DOK6: variants seen among roughly 807,000 people sequenced by gnomAD.
The protein encoded by DOK6 is downstream of tyrosine kinase 6.
A neutral mutation model predicts 44.0 loss-of-function variants in DOK6; 22 were observed. The ratio of observed to expected loss-of-function variants is 0.50; its 90% CI spans 0.36 to 0.71. The LOEUF is 0.71. Among genes scored for constraint, DOK6 ranks in the 30% least tolerant of loss-of-function variants. The pLI, the probability that DOK6 is intolerant of heterozygous loss-of-function variation, is 0.00. For missense variants in DOK6, 340 were observed against 416.4 expected (o/e 0.82, Z 1.60); for synonymous variants, 166 against 145.5 (o/e 1.14, Z -1.01).
rs144707456 is a variant in DOK6 at position 69,715,717 on chromosome 18, G to T, written c.599+17124G>T. Among the ~76,000 whole-genome samples, 336 of 152,338 alleles carry T rather than the reference G, an allele frequency of 2.2e-3. 3 individuals are homozygous for T. The highest frequency in any genetic ancestry group is 7.7e-3 in the African/African-American group (321 of 41,572). On this transcript the variant is annotated intron_variant, in intron 5 of 7. Coordinates refer to ENST00000382713, the MANE Select transcript of DOK6 (RefSeq NM_152721.6). ...GACTCATGCTCCATTACTCTGGAAA[G>T]AGATTGTATTAGAAACCAGTCAGAT... is the stretch of plus-strand genomic sequence containing the variant.
At chr18:69,601,822 C>T (rs566901823) in intron 3 of DOK6, among the ~76,000 whole-genome samples, 16 of 152,212 alleles carry the variant, frequency 1.1e-4, no homozygotes, top group Middle Eastern at 3.4e-3. Context: ...ATACACAAGA[C>T]GAGCCCAGAG....
chr18:69,735,221 A>G (rs1019585974), intron 5 of DOK6, among the ~76,000 whole-genome samples: 1 of 152,246 alleles, frequency 6.6e-6, no homozygotes, highest in African/African-American at 2.4e-5. Context: ...CTTAGATTCC[A>G]TAGAGGAATG....
chr18:69,735,945 T>C (rs972393832), intron 5 of DOK6, among the ~76,000 whole-genome samples: 1 of 152,334 alleles, frequency 6.6e-6, no homozygotes, highest in African/African-American at 2.4e-5. Flanking sequence ...TTACTTCATT[T>C]AATTAAAAAC....
At chr18:69,641,892 T>TC (rs1286746379) in intron 3 of DOK6, among the ~76,000 whole-genome samples, 2 of 152,150 alleles carry the variant, frequency 1.3e-5, no homozygotes, top group African/African-American at 4.8e-5. Flanking sequence ...GCATGTTCTT[T>TC]CCCCCTCTCT....
At chr18:69,694,606 T>A (rs1986351483) in intron 4 of DOK6, among the ~76,000 whole-genome samples, 1 of 152,044 alleles carries the variant, frequency 6.6e-6, no homozygotes, top group African/African-American at 2.4e-5. Flanking sequence ...GCAATGTGTT[T>A]GGGACTTTTT....
intron 7 of DOK6, among the ~76,000 whole-genome samples, chr18:69,814,300 T>A (rs1981330717): frequency 6.6e-6 from 1 of 151,986 alleles, no homozygotes. Flanking sequence ...GCAACCAAAG[T>A]GTATGTGCAC....
chr18:69,494,022 A>C (rs569273532), intron 1 of DOK6, among the ~76,000 whole-genome samples: 3 of 152,354 alleles, frequency 2.0e-5, no homozygotes, highest in African/African-American at 7.2e-5. Context: ...AGGAATGTTA[A>C]AGTTCTACAT....
At chr18:69,514,656 C>T (rs1043146072) in intron 1 of DOK6, among the ~76,000 whole-genome samples, 1 of 151,542 alleles carries the variant, frequency 6.6e-6, no homozygotes, top group African/African-American at 2.4e-5. Context: ...GTCATTTAAC[C>T]AGCAAGCATA....
chr18:69,631,636 T>A (rs1984692741), intron 3 of DOK6, among the ~76,000 whole-genome samples: 1 of 152,202 alleles, frequency 6.6e-6, no homozygotes, highest in African/African-American at 2.4e-5. Context: ...TATGAACACG[T>A]TACTGTAGCT....
chr18:69,841,464 G>A lies in DOK6; in HGVS notation c.*81G>A. 1 of 1,567,938 alleles carries A rather than the reference G, an allele frequency of 6.4e-7. No individual in the cohort carries two copies. The highest frequency in any genetic ancestry group is 1.8e-5 in the Admixed American group (1 of 56,024). On this transcript the variant is annotated 3_prime_UTR_variant, in exon 8 of 8. Coordinates refer to ENST00000382713, the MANE Select transcript of DOK6 (RefSeq NM_152721.6). ...GGTCATTACCCTCTGCCTCCTGGAA[G>A]ACCAATTGCAGTACAAATTGAAATG...
chr18:69,638,995 T>C (rs936489673), intron 3 of DOK6, among the ~76,000 whole-genome samples: 1 of 152,190 alleles, frequency 6.6e-6, no homozygotes, highest in African/African-American at 2.4e-5. Flanking sequence ...TTGTTTTTTC[T>C]TTTTTTATAG....
chr18:69,648,662 A>G (rs10871647), intron 3 of DOK6, among the ~76,000 whole-genome samples: 52,047 of 152,086 alleles, frequency 0.34, 9,668 homozygotes, highest in Non-Finnish European at 0.42. Context: ...GTAGAACATC[A>G]TTGCCCTGGA....
intron 1 of DOK6, among the ~76,000 whole-genome samples, chr18:69,502,822 A>T (rs971885357): frequency 2.6e-5 from 4 of 152,144 alleles, no homozygotes; most frequent in Non-Finnish European, 1.5e-5. Flanking sequence ...CATTACTGAA[A>T]CTAGTGGTCT....
intron 1 of DOK6, among the ~76,000 whole-genome samples, chr18:69,524,036 A>G (rs886501315): frequency 2.0e-5 from 3 of 152,064 alleles, no homozygotes; most frequent in African/African-American, 7.2e-5. Context: ...AGTTATGTCT[A>G]AAACTGTACA....
chr18:69,479,021 G>C (rs530169787), intron 1 of DOK6, among the ~76,000 whole-genome samples: 1 of 152,090 alleles, frequency 6.6e-6, no homozygotes, highest in Admixed American at 6.6e-5. Context: ...TATTTTGTCC[G>C]TTTCATTTTT....
chr18:69,562,968 A>C (rs932389242), intron 1 of DOK6, among the ~76,000 whole-genome samples: 2 of 152,086 alleles, frequency 1.3e-5, no homozygotes, highest in South Asian at 2.1e-4. Flanking sequence ...AAAACAAACC[A>C]CCCCATCAAA....
chr18:69,553,111 A>G (rs185677520), intron 1 of DOK6, among the ~76,000 whole-genome samples: 220 of 152,374 alleles, frequency 1.4e-3, no homozygotes, highest in African/African-American at 5.0e-3. Context: ...CAATTTCTTC[A>G]TCTCTATTCA....
chr18:69,586,170 C>A (rs4891753), intron 2 of DOK6, among the ~76,000 whole-genome samples: 53,552 of 152,000 alleles, frequency 0.35, 10,132 homozygotes, highest in Middle Eastern at 0.49. Context: ...AAGCAGTTAC[C>A]GAAACCACAA....
intron 1 of DOK6, among the ~76,000 whole-genome samples, chr18:69,514,841 T>A (rs2364206): frequency 0.036 from 2,036 of 56,228 alleles, 40 homozygotes; most frequent in African/African-American, 0.077. Context: ...CCATATATAT[T>A]TTTTTTTTTT....
Sources: allele counts gnomAD v4.1 joint callset (sites outside exome capture counted in the v4.1 genomes callset), GRCh38; gene constraint gnomAD v4.1.1; transcripts MANE v1.5; gene names NCBI Gene and HGNC (gene_info 2026-07-23, HGNC 2026-07-21).